CHRNA7: variants seen among roughly 807,000 people sequenced by gnomAD.
CHRNA7 encodes the protein cholinergic receptor nicotinic alpha 7 subunit.
Under a neutral mutation model 48.0 loss-of-function variants are expected in CHRNA7, and 17 were observed. The ratio of observed to expected loss-of-function variants is 0.35; its 90% CI spans 0.24 to 0.53. The LOEUF (loss-of-function observed/expected upper bound fraction) is 0.53, where lower values mean the gene tolerates loss of function less well. CHRNA7 is among the 20% of genes least tolerant of loss of function. The probability of loss-of-function intolerance (pLI) is 0.92; values close to 1 mark genes in which losing one functional copy is unlikely to be tolerated. For missense variants in CHRNA7, 155 were observed against 577.7 expected, an observed-to-expected ratio of 0.27 and a Z score of 7.50; for synonymous variants, 75 against 242.3, an observed-to-expected ratio of 0.31 and a Z score of 6.41.
At chr15:32,071,650 G>T (rs1375283147) in intron 2 of CHRNA7, among the ~76,000 whole-genome samples, 1 of 152,040 alleles carries the variant, frequency 6.6e-6, no homozygotes, top group Non-Finnish European at 1.5e-5. Flanking sequence ...ACAAGAGCTG[G>T]TTGTTCAAAA....
chr15:32,054,559 A>G (rs774251623), intron 2 of CHRNA7, among the ~76,000 whole-genome samples: 4 of 152,176 alleles, frequency 2.6e-5, no homozygotes, highest in Non-Finnish European at 5.9e-5. Flanking sequence ...TCACCACCCA[A>G]TACAGACCTT....
chr15:32,084,638 A>G (rs1450651425), intron 2 of CHRNA7, among the ~76,000 whole-genome samples: 1 of 152,186 alleles, frequency 6.6e-6, no homozygotes, highest in Non-Finnish European at 1.5e-5. Flanking sequence ...CCAGTGGTGG[A>G]CATTTTGTCC....
At chr15:32,061,379 A>C (rs1044025019) in intron 2 of CHRNA7, among the ~76,000 whole-genome samples, 1 of 152,182 alleles carries the variant, frequency 6.6e-6, no homozygotes, top group African/African-American at 2.4e-5. Context: ...GTCCATAAAG[A>C]GACTTCCAGA....
intron 2 of CHRNA7, among the ~76,000 whole-genome samples, chr15:32,049,186 G>A (rs1157218830): frequency 4.0e-5 from 6 of 151,766 alleles, no homozygotes; most frequent in African/African-American, 1.2e-4. Flanking sequence ...GCTGAGTTCA[G>A]TTCCTGGGTA....
intron 2 of CHRNA7, among the ~76,000 whole-genome samples, chr15:32,085,741 A>T (rs191982652): frequency 6.2e-4 from 94 of 152,358 alleles, no homozygotes; most frequent in African/African-American, 2.2e-3. Context: ...GTCAGTAATG[A>T]CATTGTCTTT....
At chr15:32,039,180 T>C (rs2049404077) in intron 2 of CHRNA7, among the ~76,000 whole-genome samples, 1 of 152,196 alleles carries the variant, frequency 6.6e-6, no homozygotes, top group Non-Finnish European at 1.5e-5. Context: ...TAGATGCTTA[T>C]TGATTTTATT....
intron 2 of CHRNA7, among the ~76,000 whole-genome samples, chr15:32,052,206 T>C (rs1463328626): frequency 6.6e-6 from 1 of 152,094 alleles, no homozygotes; most frequent in Admixed American, 6.5e-5. Flanking sequence ...GATTTTTTTT[T>C]TTTTTTTTCC....
intron 2 of CHRNA7, among the ~76,000 whole-genome samples, chr15:32,084,276 T>A (rs529615682): frequency 6.6e-6 from 1 of 151,980 alleles, no homozygotes; most frequent in South Asian, 2.1e-4. Context: ...GTAGGAGGGG[T>A]TATAGTTCTT....
At chr15:32,077,302 G>A (rs2050150339) in intron 2 of CHRNA7, among the ~76,000 whole-genome samples, 1 of 152,096 alleles carries the variant, frequency 6.6e-6, no homozygotes, top group Admixed American at 6.6e-5. Flanking sequence ...AAATCCTTTG[G>A]GTAAATACCA....
At chr15:32,150,873 A>G (rs1234914037) in intron 4 of CHRNA7, among the ~76,000 whole-genome samples, 2 of 152,064 alleles carry the variant, frequency 1.3e-5, no homozygotes, top group African/African-American at 4.8e-5. Flanking sequence ...GATACAGACT[A>G]CGGTCAAGCA....
At chr15:32,089,174 T>C (rs2050344222) in intron 2 of CHRNA7, among the ~76,000 whole-genome samples, 1 of 152,234 alleles carries the variant, frequency 6.6e-6, no homozygotes, top group African/African-American at 2.4e-5. Context: ...CTATGATTTG[T>C]GTCTGTCAAT....
chr15:32,072,589 C>T (rs2050075225), intron 2 of CHRNA7, among the ~76,000 whole-genome samples: 2 of 152,152 alleles, frequency 1.3e-5, no homozygotes, highest in South Asian at 4.1e-4. Flanking sequence ...GACAGAAGTT[C>T]CCATCACAGG....
At chr15:32,055,141 G>C (rs957082039) in intron 2 of CHRNA7, among the ~76,000 whole-genome samples, 4 of 152,022 alleles carry the variant, frequency 2.6e-5, no homozygotes, top group African/African-American at 7.2e-5. Flanking sequence ...TTACAGCTAA[G>C]GTTGAGGAGA....
chr15:32,070,669 C>CTTTTT lies in CHRNA7; in HGVS notation c.196-30603_196-30599dup, dbSNP rs71113441. ...TGTGTGAACATGTGAGGTTTAGTTC[C>CTTTTT]TTTTTTTTTTTTTTTTTTTTTTTTT... On this transcript the variant is annotated intron_variant, in intron 2 of 9. Coordinates refer to ENST00000306901, the MANE Select transcript of CHRNA7 (RefSeq NM_000746.6). Among the ~76,000 whole-genome samples, 59 of 40,896 alleles carry CTTTTT rather than the reference C, an allele frequency of 1.4e-3. 10 individuals are homozygous for CTTTTT. Among genetic ancestry groups the CTTTTT allele is most frequent in the African/African-American group, 1.9e-3 (20 of 10,772 alleles). 26.8% of individuals were successfully genotyped at this position (40,896 alleles called of 152,430 possible). A position where few individuals can be genotyped will look rare whatever the true frequency, so the allele number is the denominator to read the frequency against.
At chr15:32,074,368 G>C (rs2050103667) in intron 2 of CHRNA7, among the ~76,000 whole-genome samples, 1 of 144,930 alleles carries the variant, frequency 6.9e-6, no homozygotes, top group African/African-American at 2.5e-5. Context: ...ACATAACATA[G>C]TGTTAGAAGT....
chr15:32,080,856 T>C lies in CHRNA7; in HGVS notation c.196-20447T>C, dbSNP rs144439800. Among the ~76,000 whole-genome samples the C allele has an allele frequency of 3.7e-3, 565 of 152,300 alleles. 4 individuals carry two copies. The highest frequency in any genetic ancestry group is 0.013 in the African/African-American group (531 of 41,564). Reference sequence around the variant, plus strand: ...GATACATGCATGTGTATGTTCATTGTAGCACTATTCACAATAGCAAAGACA... The same window carrying C: ...GATACATGCATGTGTATGTTCATTGCAGCACTATTCACAATAGCAAAGACA... On this transcript the variant is annotated intron_variant, in intron 2 of 9. Transcript: ENST00000306901.
chr15:32,134,872 A>T (rs928963716), intron 4 of CHRNA7, among the ~76,000 whole-genome samples: 7 of 152,272 alleles, frequency 4.6e-5, no homozygotes, highest in African/African-American at 1.7e-4. Flanking sequence ...GATGAGACAC[A>T]GTTGAAGGAG....
intron 4 of CHRNA7, among the ~76,000 whole-genome samples, chr15:32,118,319 A>G (rs1323999949): frequency 6.6e-6 from 1 of 152,240 alleles, no homozygotes; most frequent in Admixed American, 6.5e-5. Context: ...ACCCAGTTTC[A>G]GGCATCCTGT....
intron 2 of CHRNA7, among the ~76,000 whole-genome samples, chr15:32,074,640 T>TTATTATTAA (rs2050108450): frequency 1.7e-4 from 1 of 5,802 alleles, no homozygotes; most frequent in Non-Finnish European, 4.5e-3. Context: ...ATTATTAATA[T>TTATTATTAA]TATTATTATT....
Sources: gnomAD v4.1 joint callset for allele counts (sites outside exome capture counted in the v4.1 genomes callset) on GRCh38, gnomAD v4.1.1 for gene constraint, MANE v1.5 for transcripts, NCBI Gene and HGNC (gene_info 2026-07-23, HGNC 2026-07-21) for gene names.